ZNF804B: variants seen among roughly 807,000 people sequenced by gnomAD.
ZNF804B encodes zinc finger 804B.
Under a neutral mutation model 101.4 loss-of-function variants are expected in ZNF804B, and 80 were observed. The observed-to-expected ratio is 0.79, with a 90% confidence interval of 0.66 to 0.95. The LOEUF (loss-of-function observed/expected upper bound fraction) is 0.95, where lower values mean the gene tolerates loss of function less well. Ranked by LOEUF, ZNF804B falls within the 40% of genes least tolerant of loss-of-function variation. The pLI is 0.00. For synonymous variants in ZNF804B, 622 were observed against 558.8 expected (o/e 1.11, Z -1.59); for missense variants, 1,673 against 1,561.9 (o/e 1.07, Z -1.20).
At chr7:89,082,902 T>C (rs1287198321) in intron 1 of ZNF804B, among the ~76,000 whole-genome samples, 1 of 151,758 alleles carries the variant, frequency 6.6e-6, no homozygotes, top group East Asian at 1.9e-4. Flanking sequence ...TTACTTGTAG[T>C]TGACAATTCT....
At position 88,846,393 on chromosome 7, in the gene ZNF804B, G is replaced by A. The variant is rs1186632893; in HGVS notation, c.108+86309G>A. 3.3e-5 allele frequency among the ~76,000 whole-genome samples: 5 copies of A among 152,254 alleles called. No individual in the cohort carries two copies. The South Asian group carries it at 6.2e-4, about 19-fold the overall frequency. ...CTGTAGCTTTCTGGAAGTTTATAGA[G>A]CCACTACAAAAAGGAGGAATGAAAA... On this transcript the variant is annotated intron_variant, in intron 1 of 3. Transcript: ENST00000333190.
At chr7:89,042,799 C>G (rs915233208) in intron 1 of ZNF804B, among the ~76,000 whole-genome samples, 35 of 152,106 alleles carry the variant, frequency 2.3e-4, no homozygotes, top group African/African-American at 7.5e-4. Context: ...TTAATCCTCT[C>G]CTGTTTCTTA....
intron 1 of ZNF804B, among the ~76,000 whole-genome samples, chr7:89,134,510 C>T (rs1790601057): frequency 6.6e-6 from 1 of 151,970 alleles, no homozygotes; most frequent in African/African-American, 2.4e-5. Flanking sequence ...GTAACAGAGC[C>T]TACTAACTCT....
chr7:89,122,617 T>C (rs1790423398), intron 1 of ZNF804B, among the ~76,000 whole-genome samples: 2 of 152,160 alleles, frequency 1.3e-5, no homozygotes, highest in Admixed American at 1.3e-4. Flanking sequence ...CTTCTATGGC[T>C]TTCACATTCT....
chr7:89,026,699 G>A (rs1447523823), intron 1 of ZNF804B, among the ~76,000 whole-genome samples: 2 of 152,124 alleles, frequency 1.3e-5, no homozygotes, highest in African/African-American at 2.4e-5. Flanking sequence ...ATATTGTCCT[G>A]GTTTGTGGCT....
chr7:88,840,808 G>T (rs1440248508), intron 1 of ZNF804B, among the ~76,000 whole-genome samples: 1 of 152,108 alleles, frequency 6.6e-6, no homozygotes, highest in Non-Finnish European at 1.5e-5. Flanking sequence ...TTCTTAATGA[G>T]TGAGAAAACA....
chr7:88,781,832 A>C (rs1790231266), intron 1 of ZNF804B, among the ~76,000 whole-genome samples: 1 of 152,084 alleles, frequency 6.6e-6, no homozygotes, highest in South Asian at 2.1e-4. Context: ...TCAGGCTCTT[A>C]TTAGCTTCAA....
intron 1 of ZNF804B, among the ~76,000 whole-genome samples, chr7:88,975,024 T>C (rs1404214053): frequency 2.0e-5 from 3 of 151,556 alleles, no homozygotes; most frequent in Non-Finnish European, 4.4e-5. Flanking sequence ...AGTGAGAATA[T>C]GTGAAATTTG....
At chr7:89,256,491 G>A (rs903785653) in intron 2 of ZNF804B, among the ~76,000 whole-genome samples, 1 of 151,462 alleles carries the variant, frequency 6.6e-6, no homozygotes, top group African/African-American at 2.4e-5. Flanking sequence ...GCTGCAGTGA[G>A]CTGTGTTTGG....
chr7:89,270,604 C>A lies in ZNF804B; in HGVS notation c.249+52309C>A, dbSNP rs142184197. 2.5e-3 allele frequency among the ~76,000 whole-genome samples: 374 copies of A among 152,152 alleles called. 2 individuals are homozygous for A. Among genetic ancestry groups the A allele is most frequent in the African/African-American group, 8.2e-3 (341 of 41,546 alleles). On this transcript the variant is annotated intron_variant, in intron 2 of 3. Transcript: ENST00000333190. The stretch of plus-strand genomic sequence containing the variant: ...GTAGTATTTTCCAATTCTGTGAAGA[C>A]AGTCATTGGTAGCTTGATGGGGATG...
At chr7:89,118,108 T>A (rs1012022719) in intron 1 of ZNF804B, among the ~76,000 whole-genome samples, 1 of 152,170 alleles carries the variant, frequency 6.6e-6, no homozygotes, top group Non-Finnish European at 1.5e-5. Context: ...TTCTTTCACA[T>A]CCTGAAAACT....
At position 88,800,692 on chromosome 7, in the gene ZNF804B, T is replaced by TTGTGTGTGTG. The variant is rs6150209; in HGVS notation, c.108+40641_108+40650dup. ...CTGGGAATTAAAAAATAGATATGAT[T>TTGTGTGTGTG]TGTGTGTGTGTGTGTGTGTGTGTGT... On this transcript the variant is annotated intron_variant, in intron 1 of 3. Coordinates refer to ENST00000333190, the MANE Select transcript of ZNF804B (RefSeq NM_181646.5). Among the ~76,000 whole-genome samples the TTGTGTGTGTG allele has an allele frequency of 3.2e-3, 475 of 146,714 alleles. 2 individuals carry two copies. The highest frequency in any genetic ancestry group is 4.7e-3 in the South Asian group (21 of 4,482).
At chr7:89,328,276 G>T (rs939911548) in intron 3 of ZNF804B, among the ~76,000 whole-genome samples, 1 of 151,790 alleles carries the variant, frequency 6.6e-6, no homozygotes, top group East Asian at 1.9e-4. Context: ...GACTTAAAAG[G>T]TAATTTTAAG....
At position 89,333,745 on chromosome 7, in the gene ZNF804B, A is replaced by G; in HGVS notation, c.763A>G (p.Lys255Glu). ...THDCNKSPIY[K>E]TKQTADKCKC... Reference sequence around the variant, plus strand: ...TGATTGTAACAAGTCACCCATTTATAAAACAAAACAAACTGCAGATAAGTG... The same window carrying G: ...TGATTGTAACAAGTCACCCATTTATGAAACAAAACAAACTGCAGATAAGTG... The change falls in exon 4 of 4, where the codon AAA (lysine) becomes GAA (glutamate). Residue 255 changes from lysine to glutamate, a missense_variant. Lys to Glu is a moderately conservative substitution (Grantham distance 56, BLOSUM62 1). Coordinates refer to ENST00000333190, the MANE Select transcript of ZNF804B (RefSeq NM_181646.5). 1 of 1,613,620 alleles carries G rather than the reference A, an allele frequency of 6.2e-7. No homozygotes were observed. The highest frequency in any genetic ancestry group is 1.7e-5 in the Admixed American group (1 of 59,894).
intron 2 of ZNF804B, among the ~76,000 whole-genome samples, chr7:89,296,053 ACT>A (rs1295728267): frequency 6.6e-6 from 1 of 152,160 alleles, no homozygotes; most frequent in African/African-American, 2.4e-5. Flanking sequence ...TACAATGTGC[ACT>A]ACTTGGGTGA....
At chr7:88,999,491 T>TA (rs983424955) in intron 1 of ZNF804B, among the ~76,000 whole-genome samples, 2 of 151,962 alleles carry the variant, frequency 1.3e-5, no homozygotes, top group Admixed American at 1.3e-4. Context: ...AACTTTTCAT[T>TA]AAACACTTTG....
intron 1 of ZNF804B, among the ~76,000 whole-genome samples, chr7:89,134,547 C>T (rs1160214350): frequency 1.3e-5 from 2 of 152,072 alleles, no homozygotes; most frequent in Non-Finnish European, 2.9e-5. Context: ...CCTAAAGCAC[C>T]TACCTCTTCA....
intron 1 of ZNF804B, among the ~76,000 whole-genome samples, chr7:89,093,949 C>A (rs1789933241): frequency 6.6e-6 from 1 of 152,200 alleles, no homozygotes; most frequent in Admixed American, 6.5e-5. Flanking sequence ...TGATTGGCAG[C>A]TTACCCTGAG....
chr7:88,954,073 T>A (rs1793265199), intron 1 of ZNF804B, among the ~76,000 whole-genome samples: 1 of 151,758 alleles, frequency 6.6e-6, no homozygotes, highest in Non-Finnish European at 1.5e-5. Flanking sequence ...CATACTACCA[T>A]TTGAAAGTTT....
Sources: gnomAD v4.1 joint callset for allele counts (sites outside exome capture counted in the v4.1 genomes callset) on GRCh38, gnomAD v4.1.1 for gene constraint, MANE v1.5 for transcripts, NCBI Gene and HGNC (gene_info 2026-07-23, HGNC 2026-07-21) for gene names.